The following TGFBRAP1 variants were observed in gnomAD, a reference collection of about 807,000 sequenced individuals.
TGFBRAP1 encodes the protein transforming growth factor beta receptor associated protein 1.
Under a neutral mutation model 83.2 loss-of-function variants are expected in TGFBRAP1, and 20 were observed. The ratio of observed to expected loss-of-function variants is 0.24; its 90% CI spans 0.17 to 0.35. TGFBRAP1 has a LOEUF of 0.35. Ranked by LOEUF, TGFBRAP1 falls within the 10% of genes least tolerant of loss-of-function variation. The probability of loss-of-function intolerance (pLI) is 1.00; values close to 1 mark genes in which losing one functional copy is unlikely to be tolerated. For missense variants in TGFBRAP1, 950 were observed against 1,099.4 expected, an observed-to-expected ratio of 0.86 and a Z score of 1.92; for synonymous variants, 415 against 459.8, an observed-to-expected ratio of 0.90 and a Z score of 1.25.
intron 3 of TGFBRAP1, among the ~76,000 whole-genome samples, chr2:105,297,257 A>G (rs1678120101): frequency 6.6e-6 from 1 of 152,196 alleles, no homozygotes; most frequent in South Asian, 2.1e-4. Context: ...TCTGTATCAC[A>G]ACTAAGGCAG....
rs1018268632 is a variant in TGFBRAP1, at chr2:105,266,935, C to T, written c.*448G>A. On this transcript the variant is annotated 3_prime_UTR_variant, in exon 12 of 12. Coordinates refer to ENST00000393359, the MANE Select transcript of TGFBRAP1 (RefSeq NM_004257.6). Reference sequence around the variant, plus strand: ...CCCATGAGGCTCTGTGCCCTCGCCACTCACCCAGGCAAGAGAGGACTTTGT... The same window carrying T: ...CCCATGAGGCTCTGTGCCCTCGCCATTCACCCAGGCAAGAGAGGACTTTGT... 18 of 159,260 alleles carry T rather than the reference C, an allele frequency of 1.1e-4. No homozygotes were observed. The highest frequency in any genetic ancestry group is 2.1e-4 in the Non-Finnish European group (15 of 72,124). The allele number at this position is 159,260 out of a possible 1,614,324, so 9.9% of individuals were successfully genotyped here.
the TGFBRAP1 span, among the ~76,000 whole-genome samples, chr2:105,251,070 C>T: frequency 2.6e-5 from 4 of 152,300 alleles, no homozygotes; most frequent in East Asian, 7.7e-4. Context: ...TCTGCCCGGC[C>T]GCCACCCCGT....
At chr2:105,299,502 G>A (rs555907830) in intron 2 of TGFBRAP1, among the ~76,000 whole-genome samples, 2 of 152,124 alleles carry the variant, frequency 1.3e-5, no homozygotes, top group East Asian at 3.9e-4. Context: ...GCCTCACCCT[G>A]GAGGTCAAAG....
the TGFBRAP1 span, among the ~76,000 whole-genome samples, chr2:105,254,694 C>A: frequency 6.6e-6 from 1 of 151,952 alleles, no homozygotes; most frequent in Non-Finnish European, 1.5e-5. Context: ...TGTTTCTGGC[C>A]CCTTCCTACT....
chr2:105,315,264 T>C (rs1678819080), intron 1 of TGFBRAP1, among the ~76,000 whole-genome samples: 2 of 152,176 alleles, frequency 1.3e-5, no homozygotes, highest in Non-Finnish European at 2.9e-5. Context: ...AGAAGGCTTT[T>C]CTGCAGAAAT....
intron 1 of TGFBRAP1, among the ~76,000 whole-genome samples, chr2:105,318,226 T>G (rs1180317155): frequency 1.3e-5 from 2 of 152,136 alleles, no homozygotes; most frequent in Non-Finnish European, 2.9e-5. Context: ...AAGGCTGAAA[T>G]ACTGTACAGC....
intron 1 of TGFBRAP1, among the ~76,000 whole-genome samples, chr2:105,321,729 A>G (rs1291474403): frequency 6.6e-6 from 1 of 152,228 alleles, no homozygotes; most frequent in Non-Finnish European, 1.5e-5. Context: ...AACAATTCCT[A>G]TCACCTAGTG....
At chr2:105,274,975 C>T (rs1042241254) in intron 8 of TGFBRAP1, among the ~76,000 whole-genome samples, 3 of 152,220 alleles carry the variant, frequency 2.0e-5, no homozygotes, top group Admixed American at 6.5e-5. Context: ...ACTAAGGATA[C>T]TGTCCTGAGC....
intron 5 of TGFBRAP1, among the ~76,000 whole-genome samples, chr2:105,283,474 T>C (rs1273118090): frequency 1.1e-4 from 17 of 152,242 alleles, no homozygotes; most frequent in African/African-American, 3.9e-4. Context: ...GGGCTTCCTA[T>C]ACATGTTATT....
At chr2:105,260,310 G>A (rs932688624), downstream of TGFBRAP1, among the ~76,000 whole-genome samples, 1 of 152,202 alleles carries the variant, frequency 6.6e-6, no homozygotes, top group African/African-American at 2.4e-5. Context: ...CTTGGAGGCT[G>A]AGGCAGGAGG....
intron 2 of TGFBRAP1, among the ~76,000 whole-genome samples, chr2:105,306,061 G>GTTA (rs1678486195): frequency 1.3e-5 from 1 of 74,898 alleles, no homozygotes; most frequent in Non-Finnish European, 3.0e-5. Flanking sequence ...TTTGTTTTTT[G>GTTA]TTTTTTGTTT....
chr2:105,304,665 C>A (rs1678433510), intron 2 of TGFBRAP1, among the ~76,000 whole-genome samples: 1 of 152,290 alleles, frequency 6.6e-6, no homozygotes, highest in Admixed American at 6.5e-5. Flanking sequence ...TGCCTATAGT[C>A]CCAGCTACTC....
chr2:105,273,459 A>T, intron 9 of TGFBRAP1, 85 bp downstream of exon 9: 3 of 1,554,268 alleles, frequency 1.9e-6, no homozygotes, highest in Non-Finnish European at 2.6e-6. Context: ...AACAGACATT[A>T]CACAGAATCA....
intron 6 of TGFBRAP1, 51 bp downstream of exon 6, chr2:105,280,331 G>A (rs1677491147): frequency 2.6e-6 from 4 of 1,564,884 alleles, no homozygotes; most frequent in Non-Finnish European, 2.6e-6. Context: ...AAGAGCCTCA[G>A]TAAGGGTGCA....
intron 1 of TGFBRAP1, among the ~76,000 whole-genome samples, chr2:105,323,876 T>C (rs1679141775): frequency 6.6e-6 from 1 of 152,166 alleles, no homozygotes; most frequent in Admixed American, 6.5e-5. Context: ...GTTGTTTCTA[T>C]AGATTGTGAA....
chr2:105,284,339 G>T lies in TGFBRAP1; in HGVS notation c.1098C>A (p.Phe366Leu), dbSNP rs753401486. 5 of 1,613,970 alleles carry T rather than the reference G, an allele frequency of 3.1e-6. No individual in the cohort carries two copies. The highest frequency in any genetic ancestry group is 4.2e-6 in the Non-Finnish European group (5 of 1,179,940). The change falls in exon 5 of 12, where the codon TTC becomes TTA. Residue 366 changes from phenylalanine to leucine, a missense_variant. Transcript: ENST00000393359. ...AGFIQFAQLQFLEAKELFRSG... is the reference protein window; with the variant it reads ...AGFIQFAQLQLLEAKELFRSG... ...ACCTGAAGAGCTCTTTAGCTTCCAG[G>T]AACTGAAGTTGTGCAAACTGTATAA...
At chr2:105,310,727 G>C (rs1678662752) in intron 1 of TGFBRAP1, among the ~76,000 whole-genome samples, 1 of 152,072 alleles carries the variant, frequency 6.6e-6, no homozygotes, top group African/African-American at 2.4e-5. Flanking sequence ...AACCCACCTA[G>C]ACAACATTTT....
chr2:105,285,363 C>T (rs1677680807), intron 4 of TGFBRAP1, among the ~76,000 whole-genome samples: 1 of 152,218 alleles, frequency 6.6e-6, no homozygotes, highest in Non-Finnish European at 1.5e-5. Context: ...ACTCTCTGAT[C>T]CATTTGTATG....
chr2:105,316,458 T>TGCGCGCGC (rs1356366345), intron 1 of TGFBRAP1, among the ~76,000 whole-genome samples: 14 of 67,068 alleles, frequency 2.1e-4, no homozygotes, highest in South Asian at 5.4e-4. Context: ...TGTGTGTGTG[T>TGCGCGCGC]GTGTGCGCGC....
Sources: gnomAD v4.1 joint callset for allele counts (sites outside exome capture counted in the v4.1 genomes callset) on GRCh38, gnomAD v4.1.1 for gene constraint, MANE v1.5 for transcripts, NCBI Gene and HGNC (gene_info 2026-07-23, HGNC 2026-07-21) for gene names.